The following NAALADL2 variants were observed in gnomAD, a reference collection of about 807,000 sequenced individuals.
NAALADL2 encodes the protein inactive N-acetylated-alpha-linked acidic dipeptidase-like protein 2.
Under a neutral mutation model 87.2 loss-of-function variants are expected in NAALADL2, and 76 were observed. The observed-to-expected ratio is 0.87, with a 90% CI of 0.72 to 1.05. The LOEUF (loss-of-function observed/expected upper bound fraction) is 1.05, where lower values mean the gene tolerates loss of function less well. Ranked by LOEUF, NAALADL2 falls within the 50% of genes least tolerant of loss-of-function variation. The pLI is 0.00. For missense variants in NAALADL2, 1,089 were observed against 945.8 expected (o/e 1.15, Z -1.99); for synonymous variants, 354 against 331.0 (o/e 1.07, Z -0.75).
rs544038391 is a variant in NAALADL2, at chr3:175,784,293, T to C, written c.2190-18712T>C. 1.2e-3 allele frequency among the ~76,000 whole-genome samples: 185 copies of C among 152,224 alleles called. 1 individual carries two copies. The highest frequency in any genetic ancestry group is 1.8e-3 in the African/African-American group (76 of 41,486). ...AGAAGGAATGGTAGCAGTTCCTCCTTGTACCTCTGATAGAATTCGGCTGTG... is the reference window on the plus strand; with the variant it reads ...AGAAGGAATGGTAGCAGTTCCTCCTCGTACCTCTGATAGAATTCGGCTGTG... On this transcript the variant is annotated intron_variant, in intron 13 of 13. Transcript: ENST00000454872.
chr3:174,458,974 GT>G (rs1437103300), intron 1 of NAALADL2, among the ~76,000 whole-genome samples: 10 of 152,158 alleles, frequency 6.6e-5, no homozygotes, highest in African/African-American at 2.4e-4. Context: ...TAGGGTGGAG[GT>G]TGGGCAAGAG....
chr3:175,807,093 T>C lies in NAALADL2; in HGVS notation c.*3890T>C, dbSNP rs1754774962. 6.6e-6 allele frequency: 1 copy of C among 151,802 alleles called. No homozygotes were observed. Among genetic ancestry groups the C allele is most frequent in the South Asian group, 2.1e-4 (1 of 4,822 alleles). 9.4% of individuals were successfully genotyped at this position (151,802 alleles called of 1,614,324 possible). A position where few individuals can be genotyped will look rare whatever the true frequency, so the allele number is the denominator to read the frequency against. On this transcript the variant is annotated 3_prime_UTR_variant, in exon 14 of 14. Coordinates refer to ENST00000454872, the MANE Select transcript of NAALADL2 (RefSeq NM_207015.3). ...AAAAGGCAAGTGCACCATTGTGGAA[T>C]ATCATGACGAGTAGGCTTACAAACA...
intron 3 of NAALADL2, among the ~76,000 whole-genome samples, chr3:174,762,501 T>C (rs575736093): frequency 6.6e-6 from 1 of 151,164 alleles, no homozygotes; most frequent in Admixed American, 6.6e-5. Context: ...AAACTTTACA[T>C]TAAACATTTG....
At chr3:174,790,875 A>G (rs1717383079) in intron 3 of NAALADL2, among the ~76,000 whole-genome samples, 1 of 152,142 alleles carries the variant, frequency 6.6e-6, no homozygotes, top group Admixed American at 6.6e-5. Context: ...AGTTATTTAT[A>G]TATGTTCTTG....
chr3:174,938,022 T>G (rs765646191), intron 1 of NAALADL2, among the ~76,000 whole-genome samples: 2 of 152,078 alleles, frequency 1.3e-5, no homozygotes, highest in African/African-American at 2.4e-5. Flanking sequence ...CTAGTTTTTT[T>G]GCTTTACATT....
intron 1 of NAALADL2, among the ~76,000 whole-genome samples, chr3:175,075,177 T>G (rs781413490): frequency 7.4e-4 from 112 of 152,222 alleles, no homozygotes; most frequent in Non-Finnish European, 2.2e-4. Flanking sequence ...AAGCAACTTG[T>G]CCAAAATATA....
chr3:175,616,177 CTA>C (rs1365282946), intron 10 of NAALADL2, among the ~76,000 whole-genome samples: 11 of 146,732 alleles, frequency 7.5e-5, no homozygotes, highest in Non-Finnish European at 1.5e-4. Context: ...ATAAATGTGT[CTA>C]TATTTTATTA....
intron 13 of NAALADL2, among the ~76,000 whole-genome samples, chr3:175,783,126 A>G (rs1437229459): frequency 6.6e-6 from 1 of 151,978 alleles, no homozygotes; most frequent in African/African-American, 2.4e-5. Flanking sequence ...GTATAGTTTG[A>G]AGTCAGGTAG....
chr3:174,669,011 G>C (rs1726254774), intron 2 of NAALADL2, among the ~76,000 whole-genome samples: 1 of 152,088 alleles, frequency 6.6e-6, no homozygotes, highest in African/African-American at 2.4e-5. Flanking sequence ...TTCCACAATG[G>C]TTGAACTAGT....
chr3:175,561,783 G>C (rs184387426), intron 9 of NAALADL2, among the ~76,000 whole-genome samples: 1 of 152,164 alleles, frequency 6.6e-6, no homozygotes, highest in East Asian at 1.9e-4. Context: ...GGGAATTAAG[G>C]CTTTAACATA....
intron 1 of NAALADL2, among the ~76,000 whole-genome samples, chr3:174,947,952 T>A (rs1030926501): frequency 2.0e-5 from 3 of 152,114 alleles, no homozygotes; most frequent in African/African-American, 7.2e-5. Flanking sequence ...CCTACATAGA[T>A]GTAAATATAG....
intron 3 of NAALADL2, among the ~76,000 whole-genome samples, chr3:174,763,438 T>C (rs546132378): frequency 1.3e-4 from 20 of 151,374 alleles, no homozygotes; most frequent in Middle Eastern, 3.4e-3. Context: ...AATACAAAAA[T>C]TAGCTGGGCG....
At chr3:175,206,316 A>G (rs1392864830) in intron 2 of NAALADL2, among the ~76,000 whole-genome samples, 1 of 138,420 alleles carries the variant, frequency 7.2e-6, no homozygotes, top group Non-Finnish European at 1.5e-5. Context: ...ATATATACAC[A>G]TACATACACA....
At position 175,058,332 on chromosome 3, in the gene NAALADL2, A is replaced by G. The variant is rs1712670413; in HGVS notation, c.44-38458A>G. Among the ~76,000 whole-genome samples the G allele has an allele frequency of 3.9e-5, 6 of 152,300 alleles. No homozygotes were observed. In the South Asian group the frequency reaches 1.2e-3, roughly 32 times the overall value. On this transcript the variant is annotated intron_variant, in intron 1 of 13. Transcript: ENST00000454872. ...CATCTATCTACTGATTAAGTCATTT[A>G]ATTTATTAATTTGTCAAATATTTAT...
At chr3:175,099,863 A>G (rs2108399501) in intron 2 of NAALADL2, among the ~76,000 whole-genome samples, 1 of 152,260 alleles carries the variant, frequency 6.6e-6, no homozygotes, top group South Asian at 2.1e-4. Flanking sequence ...CATCTAATAG[A>G]CATTGAGTAA....
chr3:174,829,560 A>G (rs1248603305), intron 3 of NAALADL2, among the ~76,000 whole-genome samples: 3 of 137,412 alleles, frequency 2.2e-5, no homozygotes, highest in African/African-American at 8.4e-5. Flanking sequence ...ATTGTGAATA[A>G]TGCCGCAATA....
intron 2 of NAALADL2, among the ~76,000 whole-genome samples, chr3:175,209,674 A>G (rs776550343): frequency 6.6e-6 from 1 of 151,734 alleles, no homozygotes; most frequent in Admixed American, 6.6e-5. Flanking sequence ...GCTTACGGTG[A>G]TATGTTACTG....
At chr3:174,532,038 A>C (rs574347993) in intron 1 of NAALADL2, among the ~76,000 whole-genome samples, 6 of 152,330 alleles carry the variant, frequency 3.9e-5, no homozygotes, top group African/African-American at 1.4e-4. Context: ...ATGCTCCAAA[A>C]GGTAGATGAA....
chr3:175,385,040 T>G (rs780902056), intron 5 of NAALADL2, among the ~76,000 whole-genome samples: 1 of 152,032 alleles, frequency 6.6e-6, no homozygotes, highest in Non-Finnish European at 1.5e-5. Context: ...CATCTATACA[T>G]AATTAAGAAA....
Sources: gnomAD v4.1 joint callset for allele counts (sites outside exome capture counted in the v4.1 genomes callset) on GRCh38, gnomAD v4.1.1 for gene constraint, MANE v1.5 for transcripts, NCBI Gene and HGNC (gene_info 2026-07-23, HGNC 2026-07-21) for gene names.